The following UNC13A variants were observed in gnomAD, a reference collection of about 807,000 sequenced individuals.
UNC13A encodes the protein unc-13 homolog A.
Under a neutral mutation model 219.7 loss-of-function variants are expected in UNC13A, and 61 were observed. That is an observed-to-expected ratio of 0.28 (90% CI 0.23 to 0.34). The LOEUF is 0.34. UNC13A is among the 10% of genes least tolerant of loss of function. The probability of loss-of-function intolerance (pLI) is 1.00; values close to 1 mark genes in which losing one functional copy is unlikely to be tolerated. For synonymous variants in UNC13A, 920 were observed against 884.6 expected (o/e 1.04, Z -0.71); for missense variants, 1,476 against 2,270.3 (o/e 0.65, Z 7.11).
intron 4 of UNC13A, among the ~76,000 whole-genome samples, chr19:17,670,139 G>C (rs2079756982): frequency 6.6e-6 from 1 of 151,688 alleles, no homozygotes; most frequent in Non-Finnish European, 1.5e-5. Flanking sequence ...GTAGAGACGG[G>C]GTTTCACCGT....
chr19:17,653,035 C>G (rs2079378512), intron 11 of UNC13A, among the ~76,000 whole-genome samples: 1 of 152,122 alleles, frequency 6.6e-6, no homozygotes, highest in Non-Finnish European at 1.5e-5. Context: ...TGCAGCCAAC[C>G]AGCCTCTATT....
Position 17,601,384 on chromosome 19 carries a change from TAC to T in UNC13A, c.*4668_*4669del, listed in dbSNP as rs1349949146. The T allele has an allele frequency of 6.6e-6, 1 of 152,602 alleles. No individual in the cohort carries two copies. The highest frequency in any genetic ancestry group is 2.4e-5 in the African/African-American group (1 of 41,446). 9.5% of individuals were successfully genotyped at this position (152,602 alleles called of 1,614,324 possible). A position where few individuals can be genotyped will look rare whatever the true frequency, so the allele number is the denominator to read the frequency against. ...ATGTCTGCTGTTAATAAAATATTTTTACAGAGACCAAAAAGTCAGAATAGTGC... is the reference window on the plus strand; with the variant it reads ...ATGTCTGCTGTTAATAAAATATTTTTAGAGACCAAAAAGTCAGAATAGTGC... On this transcript the variant is annotated 3_prime_UTR_variant, in exon 44 of 44. Transcript: ENST00000519716.
chr19:17,630,600 T>G, intron 29 of UNC13A, 54 bp downstream of exon 29: 1 of 1,592,652 alleles, frequency 6.3e-7, no homozygotes, highest in Non-Finnish European at 8.6e-7. Flanking sequence ...AATTTCCACC[T>G]AAATTGACCC....
intron 26 of UNC13A, among the ~76,000 whole-genome samples, chr19:17,635,352 A>C (rs2076902884): frequency 6.6e-6 from 1 of 152,076 alleles, no homozygotes; most frequent in Non-Finnish European, 1.5e-5. Flanking sequence ...AATCCATCCA[A>C]ATCCCTGATC....
chr19:17,602,001 A>T lies in UNC13A; in HGVS notation c.*4053T>A, dbSNP rs1463908275. 1 of 152,502 alleles carries T rather than the reference A, an allele frequency of 6.6e-6. No homozygotes were observed. The highest frequency in any genetic ancestry group is 2.4e-5 in the African/African-American group (1 of 41,366). 9.4% of individuals were successfully genotyped at this position (152,502 alleles called of 1,614,324 possible). A position where few individuals can be genotyped will look rare whatever the true frequency, so the allele number is the denominator to read the frequency against. On this transcript the variant is annotated 3_prime_UTR_variant, in exon 44 of 44. Coordinates refer to ENST00000519716, the MANE Select transcript of UNC13A (RefSeq NM_001080421.3). The stretch of plus-strand genomic sequence containing the variant: ...TCCCCATCTGCAAAATCGACAGCAC[A>T]TGGGGTAGGGGTAGGGGACAGAAAG...
chr19:17,664,190 T>C (rs990410724), intron 7 of UNC13A, among the ~76,000 whole-genome samples: 5 of 152,186 alleles, frequency 3.3e-5, no homozygotes, highest in African/African-American at 1.2e-4. Flanking sequence ...TGTCTAGGGT[T>C]AGCAGTCTCC....
chr19:17,670,469 T>C (rs1314077866), intron 4 of UNC13A, among the ~76,000 whole-genome samples: 1 of 149,250 alleles, frequency 6.7e-6, no homozygotes, highest in Non-Finnish European at 1.5e-5. Flanking sequence ...TCTGCTGAGC[T>C]CAGGCAATCC....
intron 43 of UNC13A, 26 bp downstream of exon 43, chr19:17,609,914 T>G (rs1318681888): frequency 2.4e-5 from 38 of 1,612,010 alleles, no homozygotes; most frequent in Non-Finnish European, 3.1e-5. Flanking sequence ...CTTGCCCCCA[T>G]GCTCTTCAAA....
At chr19:17,634,571 C>T (rs559238988) in intron 26 of UNC13A, among the ~76,000 whole-genome samples, 5 of 152,280 alleles carry the variant, frequency 3.3e-5, no homozygotes, top group African/African-American at 9.6e-5. Flanking sequence ...AACTCCTGAC[C>T]TCAGGTGATC....
chr19:17,618,360 AC>A, intron 40 of UNC13A, 60 bp downstream of exon 40: 1 of 1,521,276 alleles, frequency 6.6e-7, no homozygotes, highest in Non-Finnish European at 8.9e-7. Flanking sequence ...TAAGTCCATG[AC>A]CACAGCAGCC....
chr19:17,644,354 ATT>A (rs377330128), intron 19 of UNC13A, among the ~76,000 whole-genome samples: 9 of 141,120 alleles, frequency 6.4e-5, no homozygotes, highest in Admixed American at 1.4e-4. Context: ...ACACCCAGCT[ATT>A]TTTTTTTTTT....
intron 27 of UNC13A, 65 bp from the exon 28 acceptor site, chr19:17,632,973 G>A (rs190558164): frequency 6.2e-7 from 1 of 1,610,848 alleles, no homozygotes; most frequent in Non-Finnish European, 8.5e-7. Context: ...CGGCAGAGAG[G>A]CTGCCTACTC....
At chr19:17,611,373 AG>A (rs1279113108) in intron 42 of UNC13A, among the ~76,000 whole-genome samples, 4 of 152,212 alleles carry the variant, frequency 2.6e-5, no homozygotes, top group African/African-American at 9.6e-5. Flanking sequence ...TAGTAGAAAC[AG>A]GGTTTCACCA....
At chr19:17,654,385 A>G (rs2145862347) in intron 11 of UNC13A, among the ~76,000 whole-genome samples, 1 of 152,288 alleles carries the variant, frequency 6.6e-6, no homozygotes, top group African/African-American at 2.4e-5. Flanking sequence ...ATTTAGAACC[A>G]TATGTATGTA....
rs930200286 is a variant in UNC13A, at chr19:17,649,663, C to T, written c.1440-76G>A. 10 of 1,541,290 alleles carry T rather than the reference C, an allele frequency of 6.5e-6. No individual in the cohort carries two copies. Among genetic ancestry groups the T allele is most frequent in the Middle Eastern group, 1.7e-4 (1 of 5,950 alleles). On this transcript the variant is annotated intron_variant, in intron 12 of 43. Transcript: ENST00000519716. This position sits in a 1 kb window ranked among gnomAD's most constrained non-coding sequence, Gnocchi z 4.4. ...TAGAGCCCTGGGGAGAACATTCAAC[C>T]TCCCCCAGGTGTTAAGGGGTTGAAT...
chr19:17,618,339 C>T (rs2287849), intron 40 of UNC13A, 82 bp downstream of exon 40: 478,380 of 1,404,644 alleles, frequency 0.34, 85,443 homozygotes, highest in Middle Eastern at 0.37. Flanking sequence ...AATGTGGGTC[C>T]GAGGCGAGCC....
intron 11 of UNC13A, among the ~76,000 whole-genome samples, chr19:17,653,634 C>T (rs997259901): frequency 1.3e-5 from 2 of 151,700 alleles, no homozygotes; most frequent in Non-Finnish European, 2.9e-5. Context: ...CAGGCGTGAG[C>T]CACTGCATCC....
At chr19:17,679,537 G>C (rs1374017872) in intron 1 of UNC13A, among the ~76,000 whole-genome samples, 1 of 151,528 alleles carries the variant, frequency 6.6e-6, no homozygotes, top group East Asian at 1.9e-4. Context: ...TATGGGGGTG[G>C]GAAAGTGACA....
chr19:17,671,499 G>A (rs1015897213), intron 4 of UNC13A, among the ~76,000 whole-genome samples: 1 of 152,108 alleles, frequency 6.6e-6, no homozygotes, highest in Non-Finnish European at 1.5e-5. Context: ...GGCCTGGCAT[G>A]GTGGCTCGCA....
Sources: allele counts gnomAD v4.1 joint callset (sites outside exome capture counted in the v4.1 genomes callset), GRCh38; gene constraint gnomAD v4.1.1; non-coding constraint Gnocchi (gnomAD v3.1); transcripts MANE v1.5; gene names NCBI Gene and HGNC (gene_info 2026-07-23, HGNC 2026-07-21).